The following S100Z variants were observed in gnomAD, a reference collection of about 807,000 sequenced individuals.
The protein encoded by S100Z is protein S100-Z.
A neutral mutation model predicts 8.5 loss-of-function variants in S100Z; 11 were observed. The observed-to-expected ratio is 1.30, with a 90% CI of 0.82 to 2.15. The LOEUF (loss-of-function observed/expected upper bound fraction) is 2.15. S100Z is among the 30% of genes most tolerant of loss of function. The pLI is 0.00. For missense variants in S100Z, 126 were observed against 117.9 expected, an observed-to-expected ratio of 1.07 and a Z score of -0.32; for synonymous variants, 34 against 43.8, an observed-to-expected ratio of 0.78 and a Z score of 0.89.
chr5:76,908,642 A>G (rs1424148318), intron 4 of S100Z, among the ~76,000 whole-genome samples: 3 of 152,354 alleles, frequency 2.0e-5, no homozygotes, highest in African/African-American at 4.8e-5. Flanking sequence ...AAGCAGGCCT[A>G]ACAAAAGCAA....
chr5:76,949,515 C>T, the S100Z span, among the ~76,000 whole-genome samples: 2 of 152,202 alleles, frequency 1.3e-5, no homozygotes, highest in Non-Finnish European at 2.9e-5. Flanking sequence ...ACCTGCATTC[C>T]TATGTTCGTT....
chr5:76,947,445 A>G, the S100Z span, among the ~76,000 whole-genome samples: 1 of 152,262 alleles, frequency 6.6e-6, no homozygotes, highest in Non-Finnish European at 1.5e-5. Context: ...CACATGAAAA[A>G]TAAATCTTAT....
chr5:76,902,808 A>T (rs1744281067), intron 4 of S100Z, among the ~76,000 whole-genome samples: 1 of 152,166 alleles, frequency 6.6e-6, no homozygotes, highest in Admixed American at 6.6e-5. Context: ...TATCTTGAGG[A>T]ATAAATAAAT....
chr5:76,913,482 GA>G (rs1237531558), intron 4 of S100Z, among the ~76,000 whole-genome samples: 3 of 152,208 alleles, frequency 2.0e-5, no homozygotes, highest in Non-Finnish European at 4.4e-5. Flanking sequence ...CCATCTTATA[GA>G]ATCAGGAAGG....
At chr5:76,925,897 G>A (rs1345828946), downstream of S100Z, among the ~76,000 whole-genome samples, 1 of 152,194 alleles carries the variant, frequency 6.6e-6, no homozygotes, top group East Asian at 1.9e-4. Flanking sequence ...AACCCAGGAG[G>A]TGCAGGTGGC....
At chr5:76,899,007 C>T (rs531242681) in intron 4 of S100Z, among the ~76,000 whole-genome samples, 1 of 142,592 alleles carries the variant, frequency 7.0e-6, no homozygotes, top group African/African-American at 2.6e-5. Context: ...ACGACCTTGG[C>T]TCAGTGCAAC....
chr5:76,912,840 GAA>G (rs1327440214), intron 4 of S100Z, among the ~76,000 whole-genome samples: 3 of 151,640 alleles, frequency 2.0e-5, no homozygotes, highest in East Asian at 1.9e-4. Flanking sequence ...GAAAGAGACA[GAA>G]AGAGAGAGAG....
intron 4 of S100Z, among the ~76,000 whole-genome samples, chr5:76,884,760 G>A (rs1338996926): frequency 6.6e-6 from 1 of 152,146 alleles, no homozygotes; most frequent in African/African-American, 2.4e-5. Flanking sequence ...ATTATAGGGT[G>A]CGGAAGCAGA....
the S100Z span, among the ~76,000 whole-genome samples, chr5:76,951,431 C>A: frequency 8.5e-5 from 13 of 152,158 alleles, no homozygotes; most frequent in African/African-American, 3.1e-4. Flanking sequence ...AGGTGCCAGA[C>A]CCCCTAAGAG....
intron 4 of S100Z, among the ~76,000 whole-genome samples, chr5:76,881,579 T>C (rs1197432213): frequency 1.3e-5 from 2 of 152,142 alleles, no homozygotes; most frequent in African/African-American, 2.4e-5. Flanking sequence ...AAATGAGAAG[T>C]TCTAAGAGGC....
chr5:76,882,350 C>T (rs577920069), intron 4 of S100Z, among the ~76,000 whole-genome samples: 4 of 152,214 alleles, frequency 2.6e-5, no homozygotes, highest in South Asian at 2.1e-4. Context: ...GTAAAAATTC[C>T]GACTGCACAG....
chr5:76,924,605 A>C (rs1479617077), downstream of S100Z, among the ~76,000 whole-genome samples: 3 of 152,178 alleles, frequency 2.0e-5, no homozygotes, highest in Admixed American at 6.5e-5. Flanking sequence ...AAAACTTAAT[A>C]GCTTAACAAA....
In S100Z at chr5:76,920,919, C is replaced by A. The variant is rs1203154775; in HGVS notation, c.*205C>A. On this transcript the variant is annotated 3_prime_UTR_variant, in exon 5 of 5. Transcript: ENST00000317593. ...AGCAGTGAGGAAGTGTCTACAGCAA[C>A]CTCAGCCAATGTGATGTGCCTCTAC... is the stretch of plus-strand genomic sequence containing the variant. 6.6e-6 allele frequency: 1 copy of A among 152,138 alleles called. No individual in the cohort carries two copies. Among genetic ancestry groups the A allele is most frequent in the African/African-American group, 2.4e-5 (1 of 41,430 alleles). 9.4% of individuals were successfully genotyped at this position (152,138 alleles called of 1,614,324 possible).
chr5:76,866,348 G>C (rs755919845), intron 1 of S100Z, among the ~76,000 whole-genome samples: 10 of 152,082 alleles, frequency 6.6e-5, no homozygotes, highest in Non-Finnish European at 1.2e-4. Flanking sequence ...GCCTCCCCAA[G>C]TGCTAGGATT....
At chr5:76,924,104 A>G (rs1745093007), downstream of S100Z, among the ~76,000 whole-genome samples, 2 of 152,344 alleles carry the variant, frequency 1.3e-5, no homozygotes, top group South Asian at 4.1e-4. Context: ...GATGATAATT[A>G]AACACCACAC....
rs376776800 is a variant in S100Z at position 76,898,417 on chromosome 5, G to A, written c.*2+20583G>A. Among the ~76,000 whole-genome samples the A allele has an allele frequency of 3.3e-5, 5 of 152,036 alleles. No individual in the cohort carries two copies. The South Asian group carries it at 8.3e-4, about 25-fold the overall frequency. On this transcript the variant is annotated intron_variant, in intron 4 of 4. Coordinates refer to ENST00000317593, the MANE Select transcript of S100Z (RefSeq NM_130772.4). ...TGGATCCAGGTGATCCGCCCACCTC[G>A]GCCTCCCAAAGTGCTGGGATTACAG...
At chr5:76,904,985 C>T (rs58080431) in intron 4 of S100Z, among the ~76,000 whole-genome samples, 3,632 of 152,160 alleles carry the variant, frequency 0.024, 172 homozygotes, top group African/African-American at 0.082. Context: ...GGTTTTCAAA[C>T]GAAGGGCAAC....
At chr5:76,868,809 A>G (rs1742892973) in intron 1 of S100Z, among the ~76,000 whole-genome samples, 1 of 152,058 alleles carries the variant, frequency 6.6e-6, no homozygotes, top group Non-Finnish European at 1.5e-5. Flanking sequence ...TTTTTAGTAG[A>G]GACGGGGTTT....
intron 4 of S100Z, among the ~76,000 whole-genome samples, chr5:76,919,767 G>A (rs1156948578): frequency 6.6e-6 from 1 of 151,410 alleles, no homozygotes; most frequent in African/African-American, 2.4e-5. Flanking sequence ...CCACCATACT[G>A]GCTAAAATTC....
Sources: allele counts gnomAD v4.1 joint callset (sites outside exome capture counted in the v4.1 genomes callset), GRCh38; gene constraint gnomAD v4.1.1; transcripts MANE v1.5; gene names NCBI Gene and HGNC (gene_info 2026-07-23, HGNC 2026-07-21).